OSBP2: variants seen among roughly 807,000 people sequenced by gnomAD.
OSBP2 encodes oxysterol binding protein 2, also known as oxysterol-binding protein 2.
A neutral mutation model predicts 96.0 loss-of-function variants in OSBP2; 66 were observed. The observed-to-expected ratio is 0.69, with a 90% confidence interval of 0.56 to 0.84. OSBP2 has a LOEUF of 0.84. OSBP2 is among the 40% of genes least tolerant of loss of function. The pLI is 0.00. For missense variants in OSBP2, 1,038 were observed against 1,222.7 expected, an observed-to-expected ratio of 0.85 and a Z score of 2.25; for synonymous variants, 525 against 520.9, an observed-to-expected ratio of 1.01 and a Z score of -0.11.
intron 2 of OSBP2, among the ~76,000 whole-genome samples, chr22:30,761,492 G>C (rs891427421): frequency 1.3e-5 from 2 of 152,196 alleles, no homozygotes; most frequent in Non-Finnish European, 2.9e-5. Flanking sequence ...ATTCAAGAGA[G>C]TAAAGACGTC....
intron 1 of OSBP2, among the ~76,000 whole-genome samples, chr22:30,706,339 CT>C (rs538113215): frequency 3.3e-5 from 5 of 149,380 alleles, no homozygotes; most frequent in African/African-American, 7.4e-5. Context: ...CGTTGCCTTA[CT>C]TTTTTTTTTA....
chr22:30,811,136 C>T (rs1194344856), intron 2 of OSBP2, among the ~76,000 whole-genome samples: 3 of 149,166 alleles, frequency 2.0e-5, no homozygotes, highest in Admixed American at 6.7e-5. Flanking sequence ...TTTTCCCATG[C>T]ATTTACAAAG....
At chr22:30,804,385 A>G (rs2090898431) in intron 2 of OSBP2, among the ~76,000 whole-genome samples, 1 of 152,218 alleles carries the variant, frequency 6.6e-6, no homozygotes, top group Non-Finnish European at 1.5e-5. Flanking sequence ...CCGTCTATCT[A>G]GCTTAAGCTG....
intron 2 of OSBP2, among the ~76,000 whole-genome samples, chr22:30,782,993 T>C (rs1348759769): frequency 6.6e-6 from 1 of 151,762 alleles, no homozygotes; most frequent in Non-Finnish European, 1.5e-5. Context: ...CTTTCAAAAA[T>C]GATTGTATGT....
chr22:30,793,004 CA>C (rs1275251036), intron 2 of OSBP2, among the ~76,000 whole-genome samples: 16 of 152,306 alleles, frequency 1.1e-4, no homozygotes, highest in Admixed American at 1.0e-3. Flanking sequence ...TATCTGATTC[CA>C]GGTTTTCTGC....
intron 4 of OSBP2, 40 bp downstream of exon 4, chr22:30,887,658 T>A: frequency 6.6e-7 from 1 of 1,506,256 alleles, no homozygotes; most frequent in Non-Finnish European, 9.0e-7. Flanking sequence ...CATGACCTTC[T>A]GCCAGCTGGC....
chr22:30,892,297 C>T (rs921722636), intron 8 of OSBP2, among the ~76,000 whole-genome samples: 1 of 152,106 alleles, frequency 6.6e-6, no homozygotes, highest in Non-Finnish European at 1.5e-5. Flanking sequence ...CTATGGGCTC[C>T]TTGGGGAGGG....
chr22:30,884,921 G>A (rs1280816198), intron 3 of OSBP2, among the ~76,000 whole-genome samples: 1 of 152,254 alleles, frequency 6.6e-6, no homozygotes, highest in Non-Finnish European at 1.5e-5. Context: ...GCAGGCATCT[G>A]AGCGGTTCTG....
intron 1 of OSBP2, among the ~76,000 whole-genome samples, chr22:30,709,765 T>A (rs1229578577): frequency 6.6e-6 from 1 of 152,090 alleles, no homozygotes; most frequent in Non-Finnish European, 1.5e-5. Context: ...TGTGAACTCC[T>A]GGGCTCAAGT....
intron 2 of OSBP2, among the ~76,000 whole-genome samples, chr22:30,746,432 A>C (rs1471664129): frequency 6.6e-6 from 1 of 151,642 alleles, no homozygotes; most frequent in South Asian, 2.1e-4. Flanking sequence ...TCAAAAAAAA[A>C]ATTATACCAA....
chr22:30,871,803 A>G lies in OSBP2; in HGVS notation c.1107+1121A>G, dbSNP rs959136064. Among the ~76,000 whole-genome samples the G allele has an allele frequency of 3.3e-5, 5 of 152,176 alleles. No individual in the cohort carries two copies. Among genetic ancestry groups the G allele is most frequent in the African/African-American group, 4.8e-5 (2 of 41,440 alleles). On this transcript the variant is annotated intron_variant, in intron 3 of 13. Coordinates refer to ENST00000332585, the MANE Select transcript of OSBP2 (RefSeq NM_030758.4). The surrounding 1 kb of genome is among the most constrained non-coding windows in gnomAD (Gnocchi z 4.7). ...CCGCAGGCCAAGAGCCCAGGCTAAAACCTGGGCATCCAAGACCTGCCCCAA... is the reference window on the plus strand; with the variant it reads ...CCGCAGGCCAAGAGCCCAGGCTAAAGCCTGGGCATCCAAGACCTGCCCCAA...
chr22:30,763,308 T>C (rs1486962379), intron 2 of OSBP2, among the ~76,000 whole-genome samples: 1 of 152,176 alleles, frequency 6.6e-6, no homozygotes, highest in African/African-American at 2.4e-5. Context: ...TATTTGTATT[T>C]TTTTTCAAAA....
chr22:30,731,943 G>A (rs1020095421), intron 1 of OSBP2, among the ~76,000 whole-genome samples: 1 of 152,186 alleles, frequency 6.6e-6, no homozygotes, highest in African/African-American at 2.4e-5. Context: ...TGTGATGTTT[G>A]CGCTGAGTGG....
chr22:30,706,829 TC>T (rs767687066), intron 1 of OSBP2, among the ~76,000 whole-genome samples: 14 of 152,144 alleles, frequency 9.2e-5, no homozygotes, highest in Non-Finnish European at 1.8e-4. Context: ...GCTGCTGAAA[TC>T]CTATCTGGGT....
In OSBP2 at chr22:30,694,932, GC is replaced by G. The variant is rs2088996961; in HGVS notation, c.25del (p.Arg9GlufsTer31). On this transcript the variant is annotated frameshift_variant, in exon 1 of 14. Transcript: ENST00000332585. LOFTEE classifies it high-confidence loss of function. The stretch of plus-strand genomic sequence containing the variant: ...TCTATGGGGAAAGCGGCGGCTCCGA[GC>G]CGAGGCGGCGGCTGTGGCGGCCGCT... The part of the protein sequence containing the change: MGKAAAP[S>X]RGGGCGGRSR... The G allele has an allele frequency of 4.7e-6, 7 of 1,499,002 alleles. No homozygotes were observed. The East Asian group carries it at 1.9e-4, about 41-fold the overall frequency. The allele number at this position is 1,499,002 out of a possible 1,614,324, so 92.9% of individuals were successfully genotyped here.
chr22:30,791,926 T>A (rs2090681384), intron 2 of OSBP2, among the ~76,000 whole-genome samples: 1 of 152,144 alleles, frequency 6.6e-6, no homozygotes, highest in African/African-American at 2.4e-5. Context: ...GGTATATAGA[T>A]AAGTATTACC....
At chr22:30,794,792 C>T (rs544735771) in intron 2 of OSBP2, among the ~76,000 whole-genome samples, 13 of 147,080 alleles carry the variant, frequency 8.8e-5, no homozygotes, top group Non-Finnish European at 1.9e-4. Flanking sequence ...GTGAGACCGT[C>T]TCAAAAAAAA....
intron 12 of OSBP2, among the ~76,000 whole-genome samples, chr22:30,902,970 G>C (rs1327207416): frequency 6.6e-6 from 1 of 152,104 alleles, no homozygotes; most frequent in Non-Finnish European, 1.5e-5. Flanking sequence ...GGGCTTTGCT[G>C]TATCTATCTA....
chr22:30,895,023 G>A (rs1236308626), intron 12 of OSBP2, among the ~76,000 whole-genome samples: 1 of 152,186 alleles, frequency 6.6e-6, no homozygotes, highest in African/African-American at 2.4e-5. Context: ...AACGGATACT[G>A]TGCACCTAAA....
Sources: allele counts gnomAD v4.1 joint callset (sites outside exome capture counted in the v4.1 genomes callset), GRCh38; gene constraint gnomAD v4.1.1; non-coding constraint Gnocchi (gnomAD v3.1); transcripts MANE v1.5; gene names NCBI Gene and HGNC (gene_info 2026-07-23, HGNC 2026-07-21).